SUGT1: variants seen among roughly 807,000 people sequenced by gnomAD.
The protein encoded by SUGT1 is protein SGT1 homolog.
In SUGT1, 15 loss-of-function variants were observed where a neutral mutation model predicts 56.1. The ratio of observed to expected loss-of-function variants is 0.27; its 90% CI spans 0.18 to 0.41. The LOEUF is 0.41. Among genes scored for constraint, SUGT1 ranks in the 10% least tolerant of loss-of-function variants. The pLI is 1.00. For synonymous variants in SUGT1, 123 were observed against 128.6 expected (o/e 0.96, Z 0.30); for missense variants, 347 against 382.2 (o/e 0.91, Z 0.77).
chr13:52,663,922 A>C, intron 7 of SUGT1, 113 bp from the exon 8 acceptor site: 1 of 988,924 alleles, frequency 1.0e-6, no homozygotes, highest in South Asian at 1.6e-5. Context: ...TTTATATCAA[A>C]ATAACTGCAG....
At chr13:52,669,537 T>G (rs1962846555) in intron 10 of SUGT1, among the ~76,000 whole-genome samples, 1 of 152,200 alleles carries the variant, frequency 6.6e-6, no homozygotes, top group East Asian at 1.9e-4. Flanking sequence ...TTAACTAAAT[T>G]CTTCAGCCTG....
chr13:52,661,610 T>G (rs1168385423), intron 5 of SUGT1: 2 of 418,310 alleles, frequency 4.8e-6, no homozygotes, highest in South Asian at 3.3e-5. Flanking sequence ...GGGAAAAAGT[T>G]AAGTTAAACT....
At chr13:52,653,183 C>T in intron 2 of SUGT1, 80 bp downstream of exon 2, 1 of 1,550,312 alleles carries the variant, frequency 6.5e-7, no homozygotes, top group African/African-American at 1.4e-5. Flanking sequence ...CCGCCTTCTC[C>T]CCGCACCGCC....
Position 52,653,082 on chromosome 13 carries a change from G to A in SUGT1, c.75G>A (p.Glu25=), listed in dbSNP as rs1961986080. The change falls in exon 2 of 13, where the codon GAG becomes GAA. Residue 25 remains glutamate (E), a synonymous_variant. Transcript: ENST00000310528. ...FQSFSDALID[E]DPQAALEELT... ...GCTTCTCGGATGCCCTAATCGACGA[G>A]GACCCCCAGGCGGCGTTAGAGGTGA... is the stretch of plus-strand genomic sequence containing the variant. 3 of 1,614,038 alleles carry A rather than the reference G, an allele frequency of 1.9e-6. No homozygotes were observed. Among genetic ancestry groups the A allele is most frequent in the South Asian group, 2.2e-5 (2 of 91,078 alleles).
At chr13:52,654,896 A>T (rs897886138) in intron 2 of SUGT1, among the ~76,000 whole-genome samples, 1 of 152,220 alleles carries the variant, frequency 6.6e-6, no homozygotes, top group South Asian at 2.1e-4. Flanking sequence ...GCTTCTGTGA[A>T]TACTCTTGTA....
intron 10 of SUGT1, among the ~76,000 whole-genome samples, chr13:52,669,263 C>G (rs1962836334): frequency 6.6e-6 from 1 of 152,122 alleles, no homozygotes; most frequent in African/African-American, 2.4e-5. Context: ...GATAAAGTTA[C>G]AAGATGTTCA....
At chr13:52,662,076 C>T (rs1962482284) in intron 5 of SUGT1, among the ~76,000 whole-genome samples, 1 of 152,124 alleles carries the variant, frequency 6.6e-6, no homozygotes, top group South Asian at 2.1e-4. Flanking sequence ...AATACATCAC[C>T]TATAGCCTCT....
At chr13:52,680,950 T>C (rs1265000849) in intron 12 of SUGT1, among the ~76,000 whole-genome samples, 1 of 152,084 alleles carries the variant, frequency 6.6e-6, no homozygotes, top group Non-Finnish European at 1.5e-5. Context: ...CAAGTGATTT[T>C]CCTACCTCAG....
intron 3 of SUGT1, chr13:52,657,970 C>G: frequency 1.6e-6 from 1 of 627,028 alleles, no homozygotes; most frequent in Non-Finnish European, 2.2e-6. Context: ...GCCTGTAATC[C>G]CAACACTTTG....
At position 52,688,282 on chromosome 13, in the gene SUGT1, T is replaced by G. The variant is rs1419500833; in HGVS notation, c.*447T>G. 1 of 152,684 alleles carries G rather than the reference T, an allele frequency of 6.5e-6. No individual in the cohort carries two copies. The highest frequency in any genetic ancestry group is 1.5e-5 in the Non-Finnish European group (1 of 68,054). 9.5% of individuals were successfully genotyped at this position (152,684 alleles called of 1,614,324 possible). A position where few individuals can be genotyped will look rare whatever the true frequency, so the allele number is the denominator to read the frequency against. On this transcript the variant is annotated 3_prime_UTR_variant, in exon 13 of 13. Coordinates refer to ENST00000310528, the MANE Select transcript of SUGT1 (RefSeq NM_006704.5). ...CTTTTGAATGGAGTTGTAAATACAA[T>G]TTTTCTATGAAGATGTTTGGTTTAT...
intron 12 of SUGT1, among the ~76,000 whole-genome samples, chr13:52,683,451 T>C (rs1478121529): frequency 1.3e-5 from 2 of 152,214 alleles, no homozygotes; most frequent in South Asian, 2.1e-4. Context: ...GAGACAGTCT[T>C]GCATGAGCCC....
chr13:52,652,868 G>C lies in SUGT1; in HGVS notation c.-53G>C. ...AGTTTCCCCCTTGGGCGGTGGTGGA[G>C]GTGGTAACCGTGATAGTAGCAGCTC... On this transcript the variant is annotated 5_prime_UTR_variant, in exon 1 of 13. Transcript: ENST00000310528. 6.3e-7 allele frequency: 1 copy of C among 1,596,056 alleles called. No homozygotes were observed. Among genetic ancestry groups the C allele is most frequent in the Admixed American group, 1.8e-5 (1 of 55,720 alleles).
intron 10 of SUGT1, among the ~76,000 whole-genome samples, chr13:52,670,914 T>G (rs1962911681): frequency 6.6e-6 from 1 of 152,194 alleles, no homozygotes; most frequent in South Asian, 2.1e-4. Context: ...ATAGTAATTT[T>G]GCTGATTATA....
intron 10 of SUGT1, among the ~76,000 whole-genome samples, chr13:52,672,994 T>C (rs371944614): frequency 7.9e-5 from 12 of 152,168 alleles, no homozygotes; most frequent in Non-Finnish European, 1.6e-4. Flanking sequence ...CCTGTACATA[T>C]GAGAGCAACA....
intron 2 of SUGT1, among the ~76,000 whole-genome samples, chr13:52,655,127 C>T (rs1279941729): frequency 1.3e-5 from 2 of 152,136 alleles, no homozygotes; most frequent in African/African-American, 2.4e-5. Context: ...AGGCGGATCA[C>T]GAGGTCAGGA....
chr13:52,653,093 C>T lies in SUGT1; in HGVS notation c.86C>T (p.Ala29Val), dbSNP rs143979105. ...SDALIDEDPQ[A>V]ALEELTKALE... ...GCCCTAATCGACGAGGACCCCCAGG[C>T]GGCGTTAGAGGTGAGAGAGCCCATT... The change falls in exon 2 of 13, where the codon GCG becomes GTG. Residue 29 changes from alanine to valine, a missense_variant. Physicochemically the swap from Ala to Val is moderately conservative, Grantham distance 64 (BLOSUM62 0). Transcript: ENST00000310528. 5.0e-6 allele frequency: 8 copies of T among 1,614,032 alleles called. No individual in the cohort carries two copies. In the African/African-American group the frequency reaches 8.0e-5, roughly 16 times the overall value.
intron 2 of SUGT1, among the ~76,000 whole-genome samples, chr13:52,657,242 A>G (rs2138106220): frequency 6.6e-6 from 1 of 152,298 alleles, no homozygotes; most frequent in Non-Finnish European, 1.5e-5. Flanking sequence ...TAAACTCTTC[A>G]GAATATATGA....
intron 2 of SUGT1, among the ~76,000 whole-genome samples, chr13:52,655,209 G>T (rs1261171758): frequency 6.6e-6 from 1 of 152,166 alleles, no homozygotes; most frequent in Non-Finnish European, 1.5e-5. Context: ...GCCGGGCATG[G>T]TGGTGGGCAG....
intron 8 of SUGT1, 148 bp from the exon 9 acceptor site, chr13:52,665,485 GTTAT>G (rs1430829909): frequency 3.6e-6 from 2 of 562,776 alleles, no homozygotes; most frequent in Non-Finnish European, 6.1e-6. Flanking sequence ...TAAAAAACTA[GTTAT>G]ATAAAGTTGT....
Sources: gnomAD v4.1 joint callset for allele counts (sites outside exome capture counted in the v4.1 genomes callset) on GRCh38, gnomAD v4.1.1 for gene constraint, MANE v1.5 for transcripts, NCBI Gene and HGNC (gene_info 2026-07-23, HGNC 2026-07-21) for gene names.